The following CREBBP variants were observed in gnomAD, a reference collection of about 807,000 sequenced individuals.
The protein encoded by CREBBP is CREB binding lysine acetyltransferase.
In CREBBP, 19 loss-of-function variants were observed where a neutral mutation model predicts 265.0. That is an observed-to-expected ratio of 0.07 (90% CI 0.05 to 0.11). CREBBP has a LOEUF of 0.11. Ranked by LOEUF, CREBBP falls within the 10% of genes least tolerant of loss-of-function variation. The pLI, the probability that CREBBP is intolerant of heterozygous loss-of-function variation, is 1.00. For synonymous variants in CREBBP, 1,457 were observed against 1,223.7 expected, an observed-to-expected ratio of 1.19 and a Z score of -3.98; for missense variants, 2,525 against 3,219.0, an observed-to-expected ratio of 0.78 and a Z score of 5.22.
chr16:3,858,737 A>G (rs2141534180), intron 1 of CREBBP, among the ~76,000 whole-genome samples: 1 of 152,348 alleles, frequency 6.6e-6, no homozygotes, highest in Middle Eastern at 3.4e-3. Context: ...CTCTAGAAAT[A>G]TTACACTGGG....
intron 3 of CREBBP, among the ~76,000 whole-genome samples, chr16:3,805,043 A>G (rs1214797716): frequency 6.6e-6 from 1 of 152,250 alleles, no homozygotes; most frequent in Non-Finnish European, 1.5e-5. Context: ...CACATCACGT[A>G]TCATTATTTT....
intron 21 of CREBBP, among the ~76,000 whole-genome samples, chr16:3,749,044 G>A (rs2052414338): frequency 6.6e-6 from 1 of 152,206 alleles, no homozygotes; most frequent in Non-Finnish European, 1.5e-5. Context: ...CTACTCGGGA[G>A]GCTGAGGCAG....
chr16:3,832,844 A>G (rs1237496913), intron 2 of CREBBP, among the ~76,000 whole-genome samples: 4 of 152,184 alleles, frequency 2.6e-5, no homozygotes, highest in Non-Finnish European at 5.9e-5. Flanking sequence ...GTTATCTCAC[A>G]GGAATGCAAG....
chr16:3,758,936 G>A lies in CREBBP; in HGVS notation c.3287C>T (p.Pro1096Leu), dbSNP rs1041725492. The A allele has an allele frequency of 1.9e-6, 3 of 1,612,966 alleles. No homozygotes were observed. The highest frequency in any genetic ancestry group is 2.5e-6 in the Non-Finnish European group (3 of 1,180,002). ...KPEELRQALMPTLEALYRQDP... is the reference protein window; with the variant it reads ...KPEELRQALMLTLEALYRQDP... ...CTGTCGATACAGTGCTTCTAGGGTT[G>A]GCATGAGGGCCTGGCGTAACTCCTC... is the stretch of plus-strand genomic sequence containing the variant. The change falls in exon 17 of 31, where the codon CCA (proline) becomes CTA (leucine). Residue 1096 changes from proline (P) to leucine (L), a missense_variant. By Grantham distance (98) the Pro-to-Leu change is moderately conservative (BLOSUM62 -3). This residue lies in a region of CREBBP where 12 missense variants were observed against 24.9 expected (regional missense o/e 0.48). Coordinates refer to ENST00000262367, the MANE Select transcript of CREBBP (RefSeq NM_004380.3).
intron 1 of CREBBP, among the ~76,000 whole-genome samples, chr16:3,854,159 C>T (rs1052011255): frequency 3.3e-5 from 5 of 152,112 alleles, no homozygotes; most frequent in African/African-American, 1.2e-4. Flanking sequence ...ACCAGATAAG[C>T]CCACCACCAC....
rs535410325 is a variant in CREBBP, at chr16:3,808,159, G to C, written c.975+2444C>G. On this transcript the variant is annotated intron_variant, in intron 3 of 30. Transcript: ENST00000262367. ...GGGGAGAGGGAGGGATGAAAGAAGG[G>C]GGGGGCAGCGGGGGAGAGAGAGAGG... Among the ~76,000 whole-genome samples, 52 of 149,342 alleles carry C rather than the reference G, an allele frequency of 3.5e-4. 2 individuals carry two copies. The South Asian group carries it at 8.0e-3, about 23-fold the overall frequency.
chr16:3,804,270 C>A (rs2053784169), intron 3 of CREBBP, among the ~76,000 whole-genome samples: 1 of 152,122 alleles, frequency 6.6e-6, no homozygotes, highest in East Asian at 1.9e-4. Flanking sequence ...GAATACTCTT[C>A]TTGAATACTG....
intron 1 of CREBBP, among the ~76,000 whole-genome samples, chr16:3,873,923 A>G (rs761084943): frequency 6.6e-6 from 1 of 152,150 alleles, no homozygotes; most frequent in Non-Finnish European, 1.5e-5. Context: ...ATTCCCTCAA[A>G]TATTTCCTGA....
intron 3 of CREBBP, among the ~76,000 whole-genome samples, chr16:3,794,928 G>T (rs888730857): frequency 6.6e-6 from 1 of 151,996 alleles, no homozygotes; most frequent in African/African-American, 2.4e-5. Context: ...TACGCCACTC[G>T]GATTTTTTAA....
intron 3 of CREBBP, among the ~76,000 whole-genome samples, chr16:3,798,044 C>G (rs2053641804): frequency 6.6e-6 from 1 of 152,186 alleles, no homozygotes; most frequent in Admixed American, 6.5e-5. Flanking sequence ...CAAAAATGTT[C>G]TACACCTTGG....
rs376973321 is a variant in CREBBP, at chr16:3,745,017, C to T, written c.3915-56G>A. On this transcript the variant is annotated intron_variant, in intron 22 of 30. Coordinates refer to ENST00000262367, the MANE Select transcript of CREBBP (RefSeq NM_004380.3). Reference sequence around the variant, plus strand: ...TATATAATGATGTAAATTGTCAAACCAACAAAATGCAGCATTCAGATAGTT... The same window carrying T: ...TATATAATGATGTAAATTGTCAAACTAACAAAATGCAGCATTCAGATAGTT... 9.2e-5 allele frequency: 116 copies of T among 1,264,384 alleles called. 1 individual carries two copies. In the African/African-American group the frequency reaches 1.5e-3, roughly 17 times the overall value. 78.3% of individuals were successfully genotyped at this position (1,264,384 alleles called of 1,614,324 possible).
chr16:3,732,073 G>A (rs1419891112), intron 28 of CREBBP, 136 bp from the exon 29 acceptor site: 18 of 1,500,306 alleles, frequency 1.2e-5, no homozygotes, highest in Non-Finnish European at 1.4e-5. Context: ...ATACGTGAAC[G>A]GCTACAGGTG....
intron 21 of CREBBP, among the ~76,000 whole-genome samples, chr16:3,748,014 CG>C (rs1245801841): frequency 6.6e-6 from 1 of 152,174 alleles, no homozygotes; most frequent in Non-Finnish European, 1.5e-5. Flanking sequence ...CGCTTGAACC[CG>C]GGAGACGGAG....
At position 3,778,111 on chromosome 16, in the gene CREBBP, C is replaced by T. The variant is rs140559284; in HGVS notation, c.2013G>A (p.Ser671=). The T allele has an allele frequency of 2.9e-5, 46 of 1,613,748 alleles. No homozygotes were observed. Among genetic ancestry groups the T allele is most frequent in the East Asian group, 2.7e-4 (12 of 44,906 alleles). Residue 671 remains serine, a synonymous_variant, in exon 10 of 31, where the codon TCG becomes TCA. Coordinates refer to ENST00000262367, the MANE Select transcript of CREBBP (RefSeq NM_004380.3). The part of the protein sequence containing the change: ...IQKELEEKRR[S]RLHKQGILGN... Reference sequence around the variant, plus strand: ...CCAAGATGCCTTGTTTATGTAAACGCGACCTCCGTTTTTCTTCTAGTTCTT... The same window carrying T: ...CCAAGATGCCTTGTTTATGTAAACGTGACCTCCGTTTTTCTTCTAGTTCTT...
intron 5 of CREBBP, among the ~76,000 whole-genome samples, chr16:3,789,615 C>G (rs2053461572): frequency 6.6e-6 from 1 of 152,078 alleles, no homozygotes; most frequent in South Asian, 2.1e-4. Flanking sequence ...CTCAAGAGTT[C>G]ACACACGATA....
chr16:3,760,830 A>G (rs535941329), intron 16 of CREBBP, among the ~76,000 whole-genome samples: 111 of 151,704 alleles, frequency 7.3e-4, no homozygotes, highest in African/African-American at 2.5e-3. Context: ...TGATCTTGTC[A>G]TATCACTATG....
chr16:3,851,528 A>G (rs2054836058), intron 1 of CREBBP, among the ~76,000 whole-genome samples: 1 of 152,126 alleles, frequency 6.6e-6, no homozygotes, highest in East Asian at 1.9e-4. Context: ...AAGACTCCAA[A>G]TTCACTGAAT....
At position 3,852,166 on chromosome 16, in the gene CREBBP, T is replaced by TG. The variant is rs1354115727; in HGVS notation, c.86-1158_86-1157insC. Among the ~76,000 whole-genome samples the TG allele has an allele frequency of 4.7e-4, 52 of 109,924 alleles. 2 individuals are homozygous for TG. Among genetic ancestry groups the TG allele is most frequent in the Admixed American group, 3.8e-3 (44 of 11,670 alleles). The allele number at this position is 109,924 out of a possible 152,430, so 72.1% of individuals were successfully genotyped here. ...AGCCAATCTTAAATTTGTTTTTTTT[T>TG]TTTTTTTTTTTTTTTTGAGACAGAG... On this transcript the variant is annotated intron_variant, in intron 1 of 30. Transcript: ENST00000262367.
intron 1 of CREBBP, among the ~76,000 whole-genome samples, chr16:3,855,818 A>C (rs1366860739): frequency 6.6e-6 from 1 of 152,226 alleles, no homozygotes; most frequent in African/African-American, 2.4e-5. Context: ...AGGTGTCCAG[A>C]CACAAACTGT....
Sources: allele counts gnomAD v4.1 joint callset (sites outside exome capture counted in the v4.1 genomes callset), GRCh38; gene constraint gnomAD v4.1.1; regional missense constraint gnomAD v4.1.1; transcripts MANE v1.5; gene names NCBI Gene and HGNC (gene_info 2026-07-23, HGNC 2026-07-21).